SPAG16: variants seen among roughly 807,000 people sequenced by gnomAD.
SPAG16 encodes the protein sperm associated antigen 16.
In SPAG16, 86 loss-of-function variants were observed where a neutral mutation model predicts 80.4. The observed-to-expected ratio is 1.07, with a 90% CI of 0.90 to 1.28. The LOEUF (loss-of-function observed/expected upper bound fraction) is 1.28, where lower values mean the gene tolerates loss of function less well. Among genes scored for constraint, SPAG16 ranks in the 50% most tolerant of loss-of-function variants. The pLI is 0.00. For synonymous variants in SPAG16, 294 were observed against 265.9 expected, an observed-to-expected ratio of 1.11 and a Z score of -1.03; for missense variants, 870 against 765.3, an observed-to-expected ratio of 1.14 and a Z score of -1.61.
At chr2:214,362,246 T>C (rs544957635) in intron 15 of SPAG16, among the ~76,000 whole-genome samples, 1 of 151,970 alleles carries the variant, frequency 6.6e-6, no homozygotes, top group South Asian at 2.1e-4. Flanking sequence ...TCCACACTTA[T>C]TTGGTCAAAG....
At chr2:213,760,025 ACT>A (rs2068567192) in intron 10 of SPAG16, among the ~76,000 whole-genome samples, 1 of 151,894 alleles carries the variant, frequency 6.6e-6, no homozygotes, top group Non-Finnish European at 1.5e-5. Context: ...ACAAAGCAAG[ACT>A]CTGTCTCAAA....
chr2:213,862,189 A>C (rs559686441), intron 10 of SPAG16, among the ~76,000 whole-genome samples: 1 of 152,156 alleles, frequency 6.6e-6, no homozygotes, highest in Non-Finnish European at 1.5e-5. Flanking sequence ...GAAAAACCAT[A>C]ATTACTCTTT....
At chr2:213,643,194 A>G (rs2062669684) in intron 10 of SPAG16, among the ~76,000 whole-genome samples, 3 of 149,962 alleles carry the variant, frequency 2.0e-5, no homozygotes, top group African/African-American at 4.9e-5. Flanking sequence ...TTTAAAGAGT[A>G]TTTTCACTGG....
At chr2:213,697,407 AATGTGAT>A (rs1345227838) in intron 10 of SPAG16, among the ~76,000 whole-genome samples, 1 of 152,214 alleles carries the variant, frequency 6.6e-6, no homozygotes, top group African/African-American at 2.4e-5. Context: ...AAGCCTGCAC[AATGTGAT>A]AGGCTGAATA....
intron 15 of SPAG16, among the ~76,000 whole-genome samples, chr2:214,196,915 G>A (rs1005617099): frequency 6.6e-6 from 1 of 151,980 alleles, no homozygotes. Flanking sequence ...TTCAGAGTAT[G>A]TGCTTATAAG....
At position 213,764,375 on chromosome 2, in the gene SPAG16, GA is replaced by G. The variant is rs555452252; in HGVS notation, c.1071-98100del. 5.1e-3 allele frequency among the ~76,000 whole-genome samples: 740 copies of G among 145,372 alleles called. 5 individuals carry two copies. Among genetic ancestry groups the G allele is most frequent in the Middle Eastern group, 0.014 (4 of 284 alleles). On this transcript the variant is annotated intron_variant, in intron 10 of 15. Coordinates refer to ENST00000331683, the MANE Select transcript of SPAG16 (RefSeq NM_024532.5). Reference sequence around the variant, plus strand: ...GGGTGACATTAGGAACATTCAGGGGGAAAAAAAAAACCTGAGTAAATTAAAA... The same window carrying G: ...GGGTGACATTAGGAACATTCAGGGGGAAAAAAAAACCTGAGTAAATTAAAA...
intron 12 of SPAG16, among the ~76,000 whole-genome samples, chr2:213,956,011 C>G (rs898981825): frequency 2.3e-4 from 35 of 151,714 alleles, no homozygotes; most frequent in East Asian, 7.7e-4. Flanking sequence ...GCTCTTGTCT[C>G]CCAGGCAACA....
At chr2:213,336,602 A>G (rs778786930) in intron 5 of SPAG16, among the ~76,000 whole-genome samples, 1 of 152,212 alleles carries the variant, frequency 6.6e-6, no homozygotes, top group Non-Finnish European at 1.5e-5. Context: ...CCCACAGCGC[A>G]GCACAGCAGC....
At chr2:214,217,429 AC>A (rs2058460026) in intron 15 of SPAG16, among the ~76,000 whole-genome samples, 1 of 152,146 alleles carries the variant, frequency 6.6e-6, no homozygotes, top group South Asian at 2.1e-4. Context: ...CACCTATGTG[AC>A]CCCCTCTGAC....
chr2:214,341,883 G>A (rs1697725351), intron 15 of SPAG16, among the ~76,000 whole-genome samples: 1 of 152,066 alleles, frequency 6.6e-6, no homozygotes, highest in East Asian at 1.9e-4. Context: ...TTAACTTTCT[G>A]CAGACCTAGA....
intron 12 of SPAG16, among the ~76,000 whole-genome samples, chr2:213,932,415 C>T (rs1307520866): frequency 6.6e-6 from 1 of 151,758 alleles, no homozygotes; most frequent in Non-Finnish European, 1.5e-5. Flanking sequence ...GGGGTTTCAC[C>T]ATGTTGGCCA....
intron 11 of SPAG16, among the ~76,000 whole-genome samples, chr2:213,902,899 A>G (rs1463186034): frequency 2.0e-5 from 3 of 152,226 alleles, no homozygotes; most frequent in Non-Finnish European, 4.4e-5. Context: ...GAAATTCGTC[A>G]AAACAAAGTG....
rs112598034 is a variant in SPAG16, at chr2:213,721,379, G to A, written c.1071-141106G>A. Reference sequence around the variant, plus strand: ...CTCCCAAAGTGCTGAGATTACAGGCGTAAGCCACCGCGCCTGGCCTATAAT... The same window carrying A: ...CTCCCAAAGTGCTGAGATTACAGGCATAAGCCACCGCGCCTGGCCTATAAT... On this transcript the variant is annotated intron_variant, in intron 10 of 15. Transcript: ENST00000331683. 1.2e-4 allele frequency among the ~76,000 whole-genome samples: 18 copies of A among 152,288 alleles called. 1 individual carries two copies. Among genetic ancestry groups the A allele is most frequent in the African/African-American group, 3.4e-4 (14 of 41,550 alleles).
At chr2:214,326,001 T>C (rs1156703274) in intron 15 of SPAG16, among the ~76,000 whole-genome samples, 7 of 152,156 alleles carry the variant, frequency 4.6e-5, no homozygotes, top group Non-Finnish European at 8.8e-5. Context: ...ATAATAGGTA[T>C]AGTGGATTGA....
At chr2:214,319,027 A>G (rs1367436061) in intron 15 of SPAG16, among the ~76,000 whole-genome samples, 1 of 152,138 alleles carries the variant, frequency 6.6e-6, no homozygotes, top group Non-Finnish European at 1.5e-5. Flanking sequence ...CTAAAGATAT[A>G]TTACCTTAAT....
At chr2:213,652,623 T>G (rs1361205956) in intron 10 of SPAG16, among the ~76,000 whole-genome samples, 1 of 152,198 alleles carries the variant, frequency 6.6e-6, no homozygotes. Context: ...TGGTTATAAT[T>G]TGCATTTTCG....
At chr2:214,005,236 GA>G (rs2046976727) in intron 12 of SPAG16, among the ~76,000 whole-genome samples, 1 of 152,058 alleles carries the variant, frequency 6.6e-6, no homozygotes, top group Non-Finnish European at 1.5e-5. Context: ...TATTCTTTGC[GA>G]AAATGTTTCA....
rs2064513046 is a variant in SPAG16 at position 213,338,709 on chromosome 2, G to A, written c.537-1454G>A. On this transcript the variant is annotated intron_variant, in intron 5 of 15. Transcript: ENST00000331683. ...AAAAAGGAATGGGACCATGTCCTTT[G>A]TAGCGACATGGATGGAGTTGGAAGC... is the stretch of plus-strand genomic sequence containing the variant. 2.0e-5 allele frequency among the ~76,000 whole-genome samples: 3 copies of A among 152,176 alleles called. No individual in the cohort carries two copies. The South Asian group carries it at 6.2e-4, about 32-fold the overall frequency.
chr2:213,704,195 G>C (rs2065636327), intron 10 of SPAG16, among the ~76,000 whole-genome samples: 1 of 152,098 alleles, frequency 6.6e-6, no homozygotes, highest in Admixed American at 6.6e-5. Flanking sequence ...CCTTAATTCT[G>C]TCAGGATTTT....
Sources: allele counts gnomAD v4.1 joint callset (sites outside exome capture counted in the v4.1 genomes callset), GRCh38; gene constraint gnomAD v4.1.1; transcripts MANE v1.5; gene names NCBI Gene and HGNC (gene_info 2026-07-23, HGNC 2026-07-21).